Variants in SPIN1 observed in about 807,000 individuals in gnomAD.
The protein encoded by SPIN1 is spindlin 1.
A neutral mutation model predicts 26.0 loss-of-function variants in SPIN1; 3 were observed. That is an observed-to-expected ratio of 0.12 (90% CI 0.05 to 0.30). The LOEUF is 0.30. Ranked by LOEUF, SPIN1 falls within the 10% of genes least tolerant of loss-of-function variation. The probability of loss-of-function intolerance (pLI) is 1.00; values close to 1 mark genes in which losing one functional copy is unlikely to be tolerated. For synonymous variants in SPIN1, 101 were observed against 116.5 expected, an observed-to-expected ratio of 0.87 and a Z score of 0.86; for missense variants, 126 against 333.4, an observed-to-expected ratio of 0.38 and a Z score of 4.84.
At chr9:88,455,575 T>C (rs926979930) in intron 3 of SPIN1, among the ~76,000 whole-genome samples, 4 of 152,214 alleles carry the variant, frequency 2.6e-5, no homozygotes, top group Non-Finnish European at 5.9e-5. Flanking sequence ...ACCCAGAGAT[T>C]GTTAATAATT....
rs533169999 is a variant in SPIN1, at chr9:88,469,818, G to A, written c.589+1213G>A. ...ACAAGTGTTAGGATTACAGGTGTGA[G>A]CCATTACGACCATGTTAGTCCATAT... On this transcript the variant is annotated intron_variant, in intron 5 of 5. Transcript: ENST00000375859. 4.6e-5 allele frequency among the ~76,000 whole-genome samples: 7 copies of A among 152,322 alleles called. No individual in the cohort carries two copies. The East Asian group carries it at 1.2e-3, about 25-fold the overall frequency.
chr9:88,470,926 T>A (rs1052203372), intron 5 of SPIN1, among the ~76,000 whole-genome samples: 1 of 152,186 alleles, frequency 6.6e-6, no homozygotes, highest in Non-Finnish European at 1.5e-5. Context: ...TGTGGTGAAA[T>A]GTCTATTCAT....
chr9:88,443,168 T>C (rs1024137240), intron 2 of SPIN1, among the ~76,000 whole-genome samples: 2 of 152,092 alleles, frequency 1.3e-5, no homozygotes, highest in African/African-American at 4.8e-5. Flanking sequence ...TTACATTGAT[T>C]CTATTCCTTT....
At chr9:88,405,127 T>C (rs66542713) in intron 1 of SPIN1, among the ~76,000 whole-genome samples, 29,240 of 152,124 alleles carry the variant, frequency 0.19, 3,706 homozygotes, top group African/African-American at 0.36. Context: ...TAAATAAGTA[T>C]GAGTACAGAC....
intron 1 of SPIN1, among the ~76,000 whole-genome samples, chr9:88,416,389 G>C (rs906089405): frequency 1.3e-5 from 2 of 151,832 alleles, no homozygotes; most frequent in Non-Finnish European, 1.5e-5. Context: ...AGTGTGACTT[G>C]ATCATAGCTC....
intron 1 of SPIN1, among the ~76,000 whole-genome samples, chr9:88,388,908 G>A (rs1213401826): frequency 1.3e-5 from 2 of 151,178 alleles, no homozygotes; most frequent in Non-Finnish European, 3.0e-5. Context: ...GCGGGCAGGG[G>A]GCGGCGGCGC....
chr9:88,477,223 G>A lies in SPIN1; in HGVS notation c.*1946G>A, dbSNP rs1020128140. On this transcript the variant is annotated 3_prime_UTR_variant, in exon 6 of 6. Coordinates refer to ENST00000375859, the MANE Select transcript of SPIN1 (RefSeq NM_006717.3). ...ATCTCAAAGCTGAGCCTGGCTCCCA[G>A]AGTCCAGACTGACATTACAGCGCAA... 6.6e-6 allele frequency: 1 copy of A among 152,182 alleles called. No homozygotes were observed. Among genetic ancestry groups the A allele is most frequent in the Non-Finnish European group, 1.5e-5 (1 of 68,048 alleles). 9.4% of individuals were successfully genotyped at this position (152,182 alleles called of 1,614,324 possible). A position where few individuals can be genotyped will look rare whatever the true frequency, so the allele number is the denominator to read the frequency against.
chr9:88,389,230 G>A (rs1826864819), intron 1 of SPIN1: 1 of 152,368 alleles, frequency 6.6e-6, no homozygotes, highest in African/African-American at 2.4e-5. Context: ...GGGGCGCGGC[G>A]AACGGGTTGC....
intron 1 of SPIN1, among the ~76,000 whole-genome samples, chr9:88,397,363 C>G (rs542862525): frequency 6.6e-6 from 1 of 152,042 alleles, no homozygotes; most frequent in Non-Finnish European, 1.5e-5. Context: ...TGTTTTTCCC[C>G]TTGCTTTCCT....
At chr9:88,469,082 A>T (rs1828725429) in intron 5 of SPIN1, among the ~76,000 whole-genome samples, 1 of 152,098 alleles carries the variant, frequency 6.6e-6, no homozygotes, top group Non-Finnish European at 1.5e-5. Context: ...GTCACCGGGG[A>T]CCAGTTTCAT....
At chr9:88,475,048 T>TC (rs1491310748) in intron 5 of SPIN1, 30 bp from the exon 6 acceptor site, 202 of 177,654 alleles carry the variant, frequency 1.1e-3, no homozygotes, top group African/African-American at 4.6e-3. Context: ...TCTCTCTCTC[T>TC]TTTTTTTTTT....
intron 1 of SPIN1, among the ~76,000 whole-genome samples, chr9:88,390,476 A>G (rs1204780877): frequency 6.6e-6 from 1 of 152,194 alleles, no homozygotes; most frequent in Non-Finnish European, 1.5e-5. Flanking sequence ...CATAGTTACA[A>G]CGTTACTGGT....
At position 88,444,691 on chromosome 9, in the gene SPIN1, C is replaced by CTTT. The variant is rs1226379698; in HGVS notation, c.53-4235_53-4233dup. Among the ~76,000 whole-genome samples, 16 of 123,048 alleles carry CTTT rather than the reference C, an allele frequency of 1.3e-4. 1 individual carries two copies. Among genetic ancestry groups the CTTT allele is most frequent in the African/African-American group, 4.8e-4 (15 of 31,578 alleles). 80.7% of individuals were successfully genotyped at this position (123,048 alleles called of 152,430 possible). ...TGATGAATGGTTTACCTTTTCTTTT[C>CTTT]TTTTTTTTTTTTTTTTTGAGATGGA... On this transcript the variant is annotated intron_variant, in intron 2 of 5. Transcript: ENST00000375859.
intron 1 of SPIN1, among the ~76,000 whole-genome samples, chr9:88,404,537 A>T (rs879493057): frequency 1.3e-5 from 2 of 152,208 alleles, no homozygotes; most frequent in Admixed American, 1.3e-4. Flanking sequence ...ATGTATAGAA[A>T]TACTTTCTTC....
intron 5 of SPIN1, among the ~76,000 whole-genome samples, chr9:88,470,664 A>AG (rs1828764757): frequency 6.7e-6 from 1 of 149,730 alleles, no homozygotes; most frequent in Non-Finnish European, 1.5e-5. Flanking sequence ...GCGTGATCTC[A>AG]GCTTACTGCA....
intron 1 of SPIN1, chr9:88,410,557 C>T: frequency 4.9e-6 from 4 of 819,226 alleles, no homozygotes; most frequent in Non-Finnish European, 8.5e-6. Flanking sequence ...GCCATAGCTA[C>T]TGCTGCTACT....
chr9:88,410,621 C>T, intron 1 of SPIN1: 1 of 1,005,630 alleles, frequency 9.9e-7, no homozygotes, highest in Admixed American at 1.7e-5. Context: ...TATTGGCCTC[C>T]ACCACCATAG....
At chr9:88,407,399 C>T (rs986798572) in intron 1 of SPIN1, among the ~76,000 whole-genome samples, 1 of 151,930 alleles carries the variant, frequency 6.6e-6, no homozygotes, top group Non-Finnish European at 1.5e-5. Flanking sequence ...TCTGCTTGGC[C>T]TCCCAAAGTC....
chr9:88,415,534 G>C (rs1827541508), intron 1 of SPIN1: 1 of 152,068 alleles, frequency 6.6e-6, no homozygotes, highest in South Asian at 2.1e-4. Flanking sequence ...TCCCACCCCA[G>C]CCTCCCAGTT....
Sources: allele counts gnomAD v4.1 joint callset (sites outside exome capture counted in the v4.1 genomes callset), GRCh38; gene constraint gnomAD v4.1.1; transcripts MANE v1.5; gene names NCBI Gene and HGNC (gene_info 2026-07-23, HGNC 2026-07-21).